Variants in DCC observed in about 807,000 individuals in gnomAD.
DCC encodes the protein DCC netrin 1 receptor.
A neutral mutation model predicts 172.5 loss-of-function variants in DCC; 58 were observed. The ratio of observed to expected loss-of-function variants is 0.34; its 90% CI spans 0.27 to 0.42. The LOEUF is 0.42. Ranked by LOEUF, DCC falls within the 10% of genes least tolerant of loss-of-function variation. The pLI, the probability that DCC is intolerant of heterozygous loss-of-function variation, is 1.00. For missense variants in DCC, 1,740 were observed against 1,791.0 expected, an observed-to-expected ratio of 0.97 and a Z score of 0.51; for synonymous variants, 709 against 644.5, an observed-to-expected ratio of 1.10 and a Z score of -1.52.
At chr18:53,505,148 G>A (rs893331642) in intron 27 of DCC, 5 of 152,132 alleles carry the variant, frequency 3.3e-5, no homozygotes, top group Non-Finnish European at 5.9e-5. Context: ...GGCATTACAT[G>A]GAGAGGAGAT....
intron 19 of DCC, among the ~76,000 whole-genome samples, chr18:53,405,067 T>C (rs1568111054): frequency 6.6e-6 from 1 of 152,118 alleles, no homozygotes; most frequent in Non-Finnish European, 1.5e-5. Context: ...TTTTGATTTA[T>C]TTATTCAAAT....
At chr18:52,506,849 T>C (rs1351221564) in intron 1 of DCC, among the ~76,000 whole-genome samples, 3 of 152,110 alleles carry the variant, frequency 2.0e-5, no homozygotes, top group East Asian at 3.9e-4. Context: ...TTTAGCAATG[T>C]AGTATATGGG....
intron 1 of DCC, among the ~76,000 whole-genome samples, chr18:52,604,843 T>A (rs574477995): frequency 6.6e-6 from 1 of 152,280 alleles, no homozygotes; most frequent in Non-Finnish European, 1.5e-5. Context: ...AGTCATCATA[T>A]AAATTATCTC....
At chr18:52,797,089 G>A (rs2037890362) in intron 2 of DCC, among the ~76,000 whole-genome samples, 1 of 148,526 alleles carries the variant, frequency 6.7e-6, no homozygotes, top group South Asian at 2.1e-4. Flanking sequence ...TTATTTCTTT[G>A]ATTTCTTCAG....
chr18:53,267,116 A>G (rs956673020), intron 12 of DCC, among the ~76,000 whole-genome samples: 1 of 148,578 alleles, frequency 6.7e-6, no homozygotes, highest in Non-Finnish European at 1.5e-5. Flanking sequence ...TCTCTCACAC[A>G]CACACACACA....
intron 5 of DCC, among the ~76,000 whole-genome samples, chr18:52,950,768 G>GA (rs1279136453): frequency 5.3e-5 from 8 of 150,210 alleles, no homozygotes; most frequent in Non-Finnish European, 5.9e-5. Flanking sequence ...ACTAAAAATA[G>GA]AAAAAAATTA....
chr18:53,359,428 A>G (rs892079045), intron 15 of DCC, among the ~76,000 whole-genome samples: 1 of 152,054 alleles, frequency 6.6e-6, no homozygotes, highest in Non-Finnish European at 1.5e-5. Flanking sequence ...CATTTTTCAC[A>G]TATCTATTTT....
At position 53,216,121 on chromosome 18, in the gene DCC, T is replaced by C. The variant is rs145083671; in HGVS notation, c.1911+524T>C. ...TGTTACCTAGTTGTTAGAACTTTCCTGGCCTGGAATGTTGCTATGACTTCC... is the reference window on the plus strand; with the variant it reads ...TGTTACCTAGTTGTTAGAACTTTCCCGGCCTGGAATGTTGCTATGACTTCC... On this transcript the variant is annotated intron_variant, in intron 12 of 28. Transcript: ENST00000442544. Among the ~76,000 whole-genome samples, 784 of 152,336 alleles carry C rather than the reference T, an allele frequency of 5.1e-3. 2 individuals carry two copies. Among genetic ancestry groups the C allele is most frequent in the Non-Finnish European group, 8.1e-3 (553 of 68,028 alleles).
intron 1 of DCC, among the ~76,000 whole-genome samples, chr18:52,443,660 G>T (rs1988037272): frequency 6.6e-6 from 1 of 152,266 alleles, no homozygotes; most frequent in Admixed American, 6.5e-5. Flanking sequence ...CATGGCTAGA[G>T]GGCAGAGAGG....
chr18:53,080,524 CAA>C (rs1390128789), intron 7 of DCC, among the ~76,000 whole-genome samples: 1 of 152,004 alleles, frequency 6.6e-6, no homozygotes, highest in Non-Finnish European at 1.5e-5. Flanking sequence ...GTAAATATCC[CAA>C]AGACTCCAAA....
chr18:52,515,511 G>T (rs2031599816), intron 1 of DCC, among the ~76,000 whole-genome samples: 1 of 148,832 alleles, frequency 6.7e-6, no homozygotes, highest in Non-Finnish European at 1.5e-5. Flanking sequence ...GGAGGCTGAG[G>T]CAGGAGAATG....
chr18:52,700,644 C>T (rs1174509753), intron 1 of DCC, among the ~76,000 whole-genome samples: 1 of 152,192 alleles, frequency 6.6e-6, no homozygotes, highest in African/African-American at 2.4e-5. Context: ...TATAAGCTTG[C>T]TTCTTTCAAT....
At chr18:52,779,187 G>T (rs1325894347) in intron 2 of DCC, among the ~76,000 whole-genome samples, 1 of 152,052 alleles carries the variant, frequency 6.6e-6, no homozygotes, top group Non-Finnish European at 1.5e-5. Context: ...TAAGTTCTGG[G>T]ATACATGTGC....
At chr18:53,374,176 A>C (rs1210712216) in intron 15 of DCC, among the ~76,000 whole-genome samples, 1 of 152,188 alleles carries the variant, frequency 6.6e-6, no homozygotes, top group East Asian at 1.9e-4. Flanking sequence ...ATGAAAAAAA[A>C]ATAGATCCAC....
chr18:53,328,458 A>G (rs550496641), intron 14 of DCC, among the ~76,000 whole-genome samples: 2 of 152,278 alleles, frequency 1.3e-5, no homozygotes, highest in South Asian at 4.1e-4. Context: ...AAAGTGCTCA[A>G]CAGTGTGTTG....
In DCC at chr18:53,311,130, A is replaced by T. The variant is rs5825013; in HGVS notation, c.2053+5411A>T. Among the ~76,000 whole-genome samples the T allele has an allele frequency of 4.3e-3, 158 of 36,550 alleles. 2 individuals are homozygous for T. The Middle Eastern group carries it at 0.12, about 28-fold the overall frequency. 24.0% of individuals were successfully genotyped at this position (36,550 alleles called of 152,430 possible). On this transcript the variant is annotated intron_variant, in intron 13 of 28. Transcript: ENST00000442544. The stretch of plus-strand genomic sequence containing the variant: ...ATTTATTTATTTATTTTATTTATTT[A>T]TTTTTTTTGAGATGGAGTTTCACTC...
intron 5 of DCC, among the ~76,000 whole-genome samples, chr18:53,005,531 A>G (rs1026643551): frequency 1.3e-4 from 20 of 152,132 alleles, no homozygotes; most frequent in Non-Finnish European, 4.4e-5. Context: ...TTAGGAGTTC[A>G]AGGCCAGCCT....
At chr18:53,520,202 G>C (rs898380735) in intron 27 of DCC, among the ~76,000 whole-genome samples, 2 of 152,182 alleles carry the variant, frequency 1.3e-5, no homozygotes, top group East Asian at 3.9e-4. Context: ...GGAACAGATC[G>C]GGGTTAGGAC....
intron 22 of DCC, among the ~76,000 whole-genome samples, chr18:53,447,932 G>T (rs1599161626): frequency 6.6e-6 from 1 of 151,774 alleles, no homozygotes; most frequent in African/African-American, 2.4e-5. Context: ...TTAACAGAAA[G>T]TGCTGTTATT....
Sources: gnomAD v4.1 joint callset for allele counts (sites outside exome capture counted in the v4.1 genomes callset) on GRCh38, gnomAD v4.1.1 for gene constraint, MANE v1.5 for transcripts, NCBI Gene and HGNC (gene_info 2026-07-23, HGNC 2026-07-21) for gene names.